Variants in EP400 observed in about 807,000 individuals in gnomAD.
The protein encoded by EP400 is E1A binding protein p400.
Under a neutral mutation model 354.1 loss-of-function variants are expected in EP400, and 105 were observed. The ratio of observed to expected loss-of-function variants is 0.30; its 90% CI spans 0.25 to 0.35. EP400 has a LOEUF of 0.35. Among genes scored for constraint, EP400 ranks in the 10% least tolerant of loss-of-function variants. The pLI, the probability that EP400 is intolerant of heterozygous loss-of-function variation, is 1.00. For missense variants in EP400, 3,280 were observed against 4,121.0 expected (o/e 0.80, Z 5.59); for synonymous variants, 1,646 against 1,716.9 (o/e 0.96, Z 1.02).
chr12:132,058,044 C>T (rs750845242), intron 45 of EP400, among the ~76,000 whole-genome samples: 1 of 151,888 alleles, frequency 6.6e-6, no homozygotes, highest in African/African-American at 2.4e-5. Flanking sequence ...TGATTGTACT[C>T]GGGGGACTCA....
intron 51 of EP400, among the ~76,000 whole-genome samples, chr12:132,071,189 C>T (rs539653947): frequency 2.6e-4 from 39 of 152,070 alleles, no homozygotes; most frequent in African/African-American, 7.5e-4. Flanking sequence ...CTCTTTGTTA[C>T]GGTGCTTTTT....
In EP400 at chr12:132,050,903, G is replaced by A. The variant is rs911068404; in HGVS notation, c.7394+248G>A. On this transcript the variant is annotated intron_variant, in intron 41 of 52. Coordinates refer to ENST00000389561, the MANE Select transcript of EP400 (RefSeq NM_015409.5). The surrounding 1 kb of genome is among the most constrained non-coding windows in gnomAD (Gnocchi z 4.8). Reference sequence around the variant, plus strand: ...TTGCTGGCCCTCAGTGGGGAAAGACGCTGACAGATGTGATGAGTGTGCCAG... The same window carrying A: ...TTGCTGGCCCTCAGTGGGGAAAGACACTGACAGATGTGATGAGTGTGCCAG... 12 of 576,120 alleles carry A rather than the reference G, an allele frequency of 2.1e-5. No homozygotes were observed. Among genetic ancestry groups the A allele is most frequent in the Non-Finnish European group, 3.1e-5 (10 of 322,494 alleles). 35.7% of individuals were successfully genotyped at this position (576,120 alleles called of 1,614,324 possible). A position where few individuals can be genotyped will look rare whatever the true frequency, so the allele number is the denominator to read the frequency against.
At position 132,078,177 on chromosome 12, in the gene EP400, A is replaced by G. The variant is rs1183985188; in HGVS notation, c.*504A>G. The G allele has an allele frequency of 1.3e-5, 2 of 154,554 alleles. No individual in the cohort carries two copies. Among genetic ancestry groups the G allele is most frequent in the Non-Finnish European group, 2.9e-5 (2 of 69,568 alleles). 9.6% of individuals were successfully genotyped at this position (154,554 alleles called of 1,614,324 possible). A position where few individuals can be genotyped will look rare whatever the true frequency, so the allele number is the denominator to read the frequency against. On this transcript the variant is annotated 3_prime_UTR_variant, in exon 53 of 53. Coordinates refer to ENST00000389561, the MANE Select transcript of EP400 (RefSeq NM_015409.5). Reference sequence around the variant, plus strand: ...AGAGGGGAAGGCCTGTCTAAAGTCAATCATCCGAGATGGGTTTTCCATTCC... The same window carrying G: ...AGAGGGGAAGGCCTGTCTAAAGTCAGTCATCCGAGATGGGTTTTCCATTCC...
In EP400 at chr12:132,044,239, G is replaced by A; in HGVS notation, c.6513G>A (p.Arg2171=). 2 of 1,614,236 alleles carry A rather than the reference G, an allele frequency of 1.2e-6. No individual in the cohort carries two copies. Among genetic ancestry groups the A allele is most frequent in the Non-Finnish European group, 1.7e-6 (2 of 1,180,042 alleles). ...GGAACCTGAAGACCCTGCAGGAGAG[G>A]GAGGCCCGGCTGCGGCTGGAGCAGG... is the stretch of plus-strand genomic sequence containing the variant. ...EFWNLKTLQE[R]EARLRLEQEE... is the part of the protein sequence containing the mutation. Residue 2171 remains arginine, a synonymous_variant, in exon 35 of 53, where the codon AGG becomes AGA. Transcript: ENST00000389561.
chr12:132,016,621 C>T (rs1290870677), intron 19 of EP400, among the ~76,000 whole-genome samples: 1 of 152,196 alleles, frequency 6.6e-6, no homozygotes, highest in Non-Finnish European at 1.5e-5. Context: ...ATCCGCCCAC[C>T]TTGGCCTCCC....
rs1334568737 is a variant in EP400, at chr12:132,057,634, A to G, written c.7884+2426A>G. Among the ~76,000 whole-genome samples, 6 of 152,230 alleles carry G rather than the reference A, an allele frequency of 3.9e-5. No individual in the cohort carries two copies. In the East Asian group the frequency reaches 1.2e-3, roughly 29 times the overall value. On this transcript the variant is annotated intron_variant, in intron 45 of 52. Coordinates refer to ENST00000389561, the MANE Select transcript of EP400 (RefSeq NM_015409.5). ...TCCCTCTAAAACACTCTTAAGCAGT[A>G]GAATATATATACACACAGTTTTTCT...
intron 7 of EP400, among the ~76,000 whole-genome samples, chr12:131,989,338 A>C (rs1281029676): frequency 6.6e-6 from 1 of 152,232 alleles, no homozygotes. Context: ...TGTTGACGAC[A>C]GTGAGCCCCG....
At chr12:131,981,995 G>A (rs996567859) in intron 4 of EP400, 98 bp from the exon 5 acceptor site, 3 of 1,443,340 alleles carry the variant, frequency 2.1e-6, no homozygotes, top group Non-Finnish European at 2.8e-6. Flanking sequence ...GTGGGTCTTG[G>A]ACAAGCACTG....
In EP400 at chr12:132,044,330, T is replaced by TCCTGCCCTCTTGCCCC; in HGVS notation, c.6585+25_6585+40dup. 6.2e-7 allele frequency: 1 copy of TCCTGCCCTCTTGCCCC among 1,606,032 alleles called. No homozygotes were observed. The highest frequency in any genetic ancestry group is 8.5e-7 in the Non-Finnish European group (1 of 1,174,464). The stretch of plus-strand genomic sequence containing the variant: ...CAGCATGGTACCCGGCCCGGGGCCC[T>TCCTGCCCTCTTGCCCC]CCTGCCCTCTTGCCCCCCTGCTGAG... On this transcript the variant is annotated intron_variant, in intron 35 of 52. Coordinates refer to ENST00000389561, the MANE Select transcript of EP400 (RefSeq NM_015409.5).
In EP400 at chr12:132,029,057, C is replaced by T. The variant is rs1593358061; in HGVS notation, c.5382-644C>T. On this transcript the variant is annotated intron_variant, in intron 27 of 52. Coordinates refer to ENST00000389561, the MANE Select transcript of EP400 (RefSeq NM_015409.5). The surrounding 1 kb of genome is among the most constrained non-coding windows in gnomAD (Gnocchi z 4.7). The stretch of plus-strand genomic sequence containing the variant: ...TCTCCTGGTCTGGGAGTGACTATGT[C>T]AGTGACCTTGTGCTCCTGGAGTTTT... 1.3e-5 allele frequency: 2 copies of T among 152,830 alleles called. No homozygotes were observed. Among genetic ancestry groups the T allele is most frequent in the East Asian group, 1.9e-4 (1 of 5,204 alleles). 9.5% of individuals were successfully genotyped at this position (152,830 alleles called of 1,614,324 possible).
At position 131,957,470 on chromosome 12, in the gene EP400, G is replaced by GT. The variant is rs1275385232; in HGVS notation, c.-35-3103dup. On this transcript the variant is annotated intron_variant, in intron 1 of 52. Transcript: ENST00000389561. ...TTGTGTTCGGTTTTTTAATGTTTTG[G>GT]TTTTTTTTTTTTCCTGTCACCTACC... Among the ~76,000 whole-genome samples the GT allele has an allele frequency of 1.7e-3, 210 of 122,358 alleles. 1 individual carries two copies. The highest frequency in any genetic ancestry group is 4.3e-3 in the Middle Eastern group (1 of 234). 80.3% of individuals were successfully genotyped at this position (122,358 alleles called of 152,430 possible).
rs767110786 is a variant in EP400 at position 132,077,655 on chromosome 12, T to G, written c.9354T>G (p.Thr3118=). 2.7e-5 allele frequency: 43 copies of G among 1,610,704 alleles called. No individual in the cohort carries two copies. The highest frequency in any genetic ancestry group is 3.5e-5 in the Non-Finnish European group (41 of 1,178,236). The change falls in exon 53 of 53, where the codon ACT becomes ACG. Residue 3118 remains threonine, a synonymous_variant. Coordinates refer to ENST00000389561, the MANE Select transcript of EP400 (RefSeq NM_015409.5). The part of the protein sequence containing the change: ...RVPAVRLKTP[T]KPPCQ ...CTGCTGTCAGGCTAAAGACACCTACTAAGCCTCCGTGCCAGTAGTCAGGGC... is the reference window on the plus strand; with the variant it reads ...CTGCTGTCAGGCTAAAGACACCTACGAAGCCTCCGTGCCAGTAGTCAGGGC...
intron 39 of EP400, among the ~76,000 whole-genome samples, chr12:132,046,929 GC>G (rs1194981798): frequency 6.6e-6 from 1 of 152,226 alleles, no homozygotes; most frequent in African/African-American, 2.4e-5. Context: ...ACCTCATGGA[GC>G]CCATCCAAAC....
At chr12:132,061,518 T>C (rs1264523368) in intron 45 of EP400, among the ~76,000 whole-genome samples, 1 of 152,204 alleles carries the variant, frequency 6.6e-6, no homozygotes, top group Non-Finnish European at 1.5e-5. Context: ...GCGTTTGCCT[T>C]CCAGTTTATG....
At chr12:132,032,756 G>A (rs574998077) in intron 30 of EP400, among the ~76,000 whole-genome samples, 1 of 151,120 alleles carries the variant, frequency 6.6e-6, no homozygotes, top group South Asian at 2.1e-4. Flanking sequence ...TCAGCCTCCC[G>A]AATAGCTGGG....
chr12:131,979,201 G>A (rs1892593103), intron 2 of EP400, among the ~76,000 whole-genome samples: 1 of 147,900 alleles, frequency 6.8e-6, no homozygotes, highest in Non-Finnish European at 1.5e-5. Flanking sequence ...GACAGAGCGA[G>A]ACTCCGTCTC....
rs943947605 is a variant in EP400 at position 131,986,723 on chromosome 12, C to A, written c.2139C>A (p.Ala713=). 1 of 1,614,066 alleles carries A rather than the reference C, an allele frequency of 6.2e-7. No individual in the cohort carries two copies. The highest frequency in any genetic ancestry group is 1.3e-5 in the African/African-American group (1 of 74,916). Residue 713 remains alanine, a synonymous_variant, in exon 6 of 53, where the codon GCC becomes GCA. Transcript: ENST00000389561. ...GGACCCCAGGGGTGGTGGCATCTGC[C>A]CCCACCAAACCACAGAGTCCTGCTC... is the stretch of plus-strand genomic sequence containing the variant. The part of the protein sequence containing the change: ...TSRTPGVVAS[A]PTKPQSPAQN...
Position 132,044,223 on chromosome 12 carries a change from A to G in EP400, c.6497A>G (p.Lys2166Arg). ...AGGGCATGGGAGTTCTGGAACCTGA[A>G]GACCCTGCAGGAGAGGGAGGCCCGG... is the stretch of plus-strand genomic sequence containing the variant. The part of the protein sequence containing the change: ...AVRAWEFWNL[K>R]TLQEREARLR... Residue 2166 changes from lysine (K) to arginine (R), a missense_variant, in exon 35 of 53, where the codon AAG becomes AGG. Transcript: ENST00000389561. 4 of 1,614,242 alleles carry G rather than the reference A, an allele frequency of 2.5e-6. No homozygotes were observed. Among genetic ancestry groups the G allele is most frequent in the Non-Finnish European group, 2.5e-6 (3 of 1,180,038 alleles).
intron 6 of EP400, 116 bp downstream of exon 6, chr12:131,986,923 G>A: frequency 7.9e-7 from 1 of 1,265,476 alleles, no homozygotes; most frequent in Non-Finnish European, 1.1e-6. Context: ...AGCATGGCTT[G>A]GGAATCAGTA....
Sources: allele counts gnomAD v4.1 joint callset (sites outside exome capture counted in the v4.1 genomes callset), GRCh38; gene constraint gnomAD v4.1.1; non-coding constraint Gnocchi (gnomAD v3.1); transcripts MANE v1.5; gene names NCBI Gene and HGNC (gene_info 2026-07-23, HGNC 2026-07-21).